NFKB1: variants seen among roughly 807,000 people sequenced by gnomAD.
NFKB1 encodes the protein nuclear factor NF-kappa-B p105 subunit.
In NFKB1, 9 loss-of-function variants were observed where a neutral mutation model predicts 105.1. That is an observed-to-expected ratio of 0.09 (90% CI 0.05 to 0.15). The LOEUF (loss-of-function observed/expected upper bound fraction) is 0.15. Ranked by LOEUF, NFKB1 falls within the 10% of genes least tolerant of loss-of-function variation. The pLI is 1.00. For synonymous variants in NFKB1, 440 were observed against 442.2 expected (o/e 1.00, Z 0.06); for missense variants, 830 against 1,203.7 (o/e 0.69, Z 4.59).
chr4:102,521,096 A>C (rs907786632), intron 1 of NFKB1, among the ~76,000 whole-genome samples: 2 of 152,200 alleles, frequency 1.3e-5, no homozygotes, highest in Admixed American at 1.3e-4. Context: ...TAATTAAACA[A>C]TCTGTTATCA....
chr4:102,595,436 A>G (rs1183405039), intron 13 of NFKB1, among the ~76,000 whole-genome samples: 2 of 152,216 alleles, frequency 1.3e-5, no homozygotes, highest in East Asian at 3.8e-4. Flanking sequence ...TAGTGTACCC[A>G]TGGAAGAAAT....
At chr4:102,572,093 A>G (rs1724416895) in intron 6 of NFKB1, among the ~76,000 whole-genome samples, 1 of 152,200 alleles carries the variant, frequency 6.6e-6, no homozygotes, top group African/African-American at 2.4e-5. Context: ...CCAAATGTCC[A>G]TCAGTGATAA....
At chr4:102,607,544 A>T in intron 18 of NFKB1, 105 bp from the exon 19 acceptor site, 2 of 1,249,992 alleles carry the variant, frequency 1.6e-6, no homozygotes, top group Non-Finnish European at 2.3e-6. Flanking sequence ...CCAAAGTAGC[A>T]ATTGGGCTAG....
chr4:102,602,867 G>A (rs1727318231), intron 16 of NFKB1, among the ~76,000 whole-genome samples: 1 of 152,122 alleles, frequency 6.6e-6, no homozygotes, highest in Non-Finnish European at 1.5e-5. Flanking sequence ...TATCCGTAAG[G>A]TCATTTTGCC....
At chr4:102,578,479 C>G (rs763165361) in intron 7 of NFKB1, 29 of 207,292 alleles carry the variant, frequency 1.4e-4, no homozygotes, top group Non-Finnish European at 2.5e-4. Context: ...AGCTCACTCC[C>G]TGTGCCCAAG....
chr4:102,502,483 G>A (rs1326467710), intron 1 of NFKB1, among the ~76,000 whole-genome samples: 1 of 151,536 alleles, frequency 6.6e-6, no homozygotes, highest in African/African-American at 2.4e-5. Flanking sequence ...TGGCATTTGA[G>A]AGAGAAAATA....
chr4:102,613,695 TC>T (rs1337506097), intron 23 of NFKB1, 114 bp downstream of exon 23: 2 of 1,201,478 alleles, frequency 1.7e-6, no homozygotes, highest in Admixed American at 2.5e-5. Flanking sequence ...TGGATACACT[TC>T]CCTGTGTGTC....
intron 11 of NFKB1, among the ~76,000 whole-genome samples, chr4:102,590,231 T>C (rs10489114): frequency 0.041 from 6,203 of 152,260 alleles, 241 homozygotes; most frequent in African/African-American, 0.1. Context: ...ACGTAAAAGA[T>C]GAACTTCCTA....
intron 1 of NFKB1, among the ~76,000 whole-genome samples, chr4:102,511,211 T>C (rs1055979144): frequency 5.3e-5 from 8 of 152,360 alleles, no homozygotes; most frequent in Admixed American, 1.3e-4. Context: ...AATGATTAAA[T>C]CAAGCTGATT....
chr4:102,579,492 G>A (rs188211184), intron 8 of NFKB1, among the ~76,000 whole-genome samples: 21 of 152,042 alleles, frequency 1.4e-4, no homozygotes, highest in Admixed American at 1.4e-3. Flanking sequence ...TTAAATGAAT[G>A]AGTAGCATAG....
intron 5 of NFKB1, among the ~76,000 whole-genome samples, chr4:102,550,539 A>C (rs1245730575): frequency 2.6e-5 from 4 of 152,162 alleles, no homozygotes; most frequent in Admixed American, 2.6e-4. Context: ...TGTGTATCTC[A>C]TATCCCATAT....
chr4:102,605,182 A>C (rs1029208704), intron 16 of NFKB1, among the ~76,000 whole-genome samples: 16 of 152,208 alleles, frequency 1.1e-4, no homozygotes, highest in Non-Finnish European at 2.4e-4. Flanking sequence ...TTTGAGAAGA[A>C]GGCTCTTGGC....
intron 5 of NFKB1, among the ~76,000 whole-genome samples, chr4:102,555,824 A>G (rs1285860905): frequency 6.6e-6 from 1 of 152,210 alleles, no homozygotes; most frequent in African/African-American, 2.4e-5. Context: ...TTTTTAGAAA[A>G]TGGGTAAGCT....
chr4:102,604,595 C>T (rs1727525514), intron 16 of NFKB1, among the ~76,000 whole-genome samples: 1 of 151,694 alleles, frequency 6.6e-6, no homozygotes, highest in South Asian at 2.1e-4. Context: ...ACTGCTTATC[C>T]ACACAGTTCT....
chr4:102,545,889 C>A lies in NFKB1; in HGVS notation c.258+7933C>A, dbSNP rs559167090. ...GTATACCGTGGAATAGAATATTATG[C>A]CACTGTGTTTTAAAAAGATAATTAA... On this transcript the variant is annotated intron_variant, in intron 5 of 23. Coordinates refer to ENST00000226574, the MANE Select transcript of NFKB1 (RefSeq NM_003998.4). Among the ~76,000 whole-genome samples, 5 of 152,212 alleles carry A rather than the reference C, an allele frequency of 3.3e-5. No individual in the cohort carries two copies. In the East Asian group the frequency reaches 5.8e-4, roughly 18 times the overall value.
At chr4:102,518,785 T>G (rs1454090797) in intron 1 of NFKB1, among the ~76,000 whole-genome samples, 1 of 152,192 alleles carries the variant, frequency 6.6e-6, no homozygotes, top group Non-Finnish European at 1.5e-5. Flanking sequence ...GCTACTCAGC[T>G]GGTGCTAGGG....
Position 102,577,022 on chromosome 4 carries a change from G to A in NFKB1, c.554G>A (p.Gly185Glu). The change falls in exon 7 of 24, where the codon GGG becomes GAG. Residue 185 changes from glycine (G) to glutamate (E), a missense_variant. By Grantham distance (98) the Gly-to-Glu change is moderately conservative. Transcript: ENST00000226574. ...DLAYLQAEGG[G>E]DRQLGDREKE... ...GCCTATTTGCAAGCAGAAGGTGGAGGGGACCGGCAGCTGGGAGGTAAGCAT... is the reference window on the plus strand; with the variant it reads ...GCCTATTTGCAAGCAGAAGGTGGAGAGGACCGGCAGCTGGGAGGTAAGCAT... The A allele has an allele frequency of 6.2e-7, 1 of 1,610,716 alleles. No homozygotes were observed. The highest frequency in any genetic ancestry group is 8.5e-7 in the Non-Finnish European group (1 of 1,179,114).
intron 5 of NFKB1, among the ~76,000 whole-genome samples, chr4:102,558,147 GC>G (rs1364700602): frequency 6.6e-6 from 1 of 151,030 alleles, no homozygotes; most frequent in African/African-American, 2.4e-5. Context: ...CAGGTATTAA[GC>G]CTAATATCTG....
At chr4:102,549,653 T>C (rs952522414) in intron 5 of NFKB1, among the ~76,000 whole-genome samples, 17 of 152,172 alleles carry the variant, frequency 1.1e-4, no homozygotes, top group African/African-American at 3.4e-4. Context: ...GCCACTTGGA[T>C]GTCTGGTAGA....
Sources: gnomAD v4.1 joint callset for allele counts (sites outside exome capture counted in the v4.1 genomes callset) on GRCh38, gnomAD v4.1.1 for gene constraint, MANE v1.5 for transcripts, NCBI Gene and HGNC (gene_info 2026-07-23, HGNC 2026-07-21) for gene names.